Variants in NAALADL1 observed in about 807,000 individuals in gnomAD.
NAALADL1 encodes N-acetylated alpha-linked acidic dipeptidase like 1.
In NAALADL1, 77 loss-of-function variants were observed where a neutral mutation model predicts 82.8. The observed-to-expected ratio is 0.93, with a 90% CI of 0.77 to 1.12. The LOEUF (loss-of-function observed/expected upper bound fraction) is 1.12, where lower values mean the gene tolerates loss of function less well. Among genes scored for constraint, NAALADL1 ranks in the 50% most tolerant of loss-of-function variants. The probability of loss-of-function intolerance (pLI) is 0.00; values close to 1 mark genes in which losing one functional copy is unlikely to be tolerated. For missense variants in NAALADL1, 956 were observed against 964.0 expected, an observed-to-expected ratio of 0.99 and a Z score of 0.11; for synonymous variants, 358 against 399.2, an observed-to-expected ratio of 0.90 and a Z score of 1.23.
In NAALADL1 at chr11:65,053,435, G is replaced by A; in HGVS notation, c.1078+56C>T. On this transcript the variant is annotated intron_variant, in intron 7 of 17. Coordinates refer to ENST00000358658, the MANE Select transcript of NAALADL1 (RefSeq NM_005468.3). This position sits in a 1 kb window ranked among gnomAD's most constrained non-coding sequence, Gnocchi z 4.3. Reference sequence around the variant, plus strand: ...GCAAGGGCAGGGCTGGATGAGGACAGCGGCATCCAGAGCAGAGCAGGGGCC... The same window carrying A: ...GCAAGGGCAGGGCTGGATGAGGACAACGGCATCCAGAGCAGAGCAGGGGCC... The A allele has an allele frequency of 6.2e-7, 1 of 1,611,372 alleles. No homozygotes were observed. The highest frequency in any genetic ancestry group is 1.1e-5 in the South Asian group (1 of 91,048).
Position 65,054,405 on chromosome 11 carries a change from A to T in NAALADL1, c.887+50T>A, listed in dbSNP as rs1946977343. 6.2e-7 allele frequency: 1 copy of T among 1,612,290 alleles called. No individual in the cohort carries two copies. The highest frequency in any genetic ancestry group is 1.3e-5 in the African/African-American group (1 of 74,864). On this transcript the variant is annotated intron_variant, in intron 5 of 17. Transcript: ENST00000358658. This position sits in a 1 kb window ranked among gnomAD's most constrained non-coding sequence, Gnocchi z 4.3. The stretch of plus-strand genomic sequence containing the variant: ...GGGTAAATGTGAGTGTGGGGCTTGA[A>T]GTCTGGAGGCCACTGGGGCTGGGCA...
At chr11:65,056,580 G>T (rs547030188) in intron 4 of NAALADL1, among the ~76,000 whole-genome samples, 55 of 151,730 alleles carry the variant, frequency 3.6e-4, no homozygotes, top group Non-Finnish European at 4.4e-4. Context: ...TTGTTTTTTT[G>T]TATTTTAGTA....
In NAALADL1 at chr11:65,053,745, G is replaced by A. The variant is rs898384918; in HGVS notation, c.993-169C>T. Among the ~76,000 whole-genome samples, 3 of 152,194 alleles carry A rather than the reference G, an allele frequency of 2.0e-5. No homozygotes were observed. Among genetic ancestry groups the A allele is most frequent in the African/African-American group, 7.2e-5 (3 of 41,450 alleles). The stretch of plus-strand genomic sequence containing the variant: ...TGGAGCCAGGCTCTCCTGCCTACTC[G>A]CTGGGTAGGTACTTATTGGGTACTT... On this transcript the variant is annotated intron_variant, in intron 6 of 17. Transcript: ENST00000358658. This position sits in a 1 kb window ranked among gnomAD's most constrained non-coding sequence, Gnocchi z 4.3.
At chr11:65,050,729 G>A (rs1227814660) in intron 8 of NAALADL1, among the ~76,000 whole-genome samples, 1 of 152,070 alleles carries the variant, frequency 6.6e-6, no homozygotes, top group Non-Finnish European at 1.5e-5. Flanking sequence ...GGCAGAGGTT[G>A]CAGTGAGCCA....
At chr11:65,051,827 A>G (rs1946898407) in intron 8 of NAALADL1, among the ~76,000 whole-genome samples, 1 of 152,210 alleles carries the variant, frequency 6.6e-6, no homozygotes, top group Non-Finnish European at 1.5e-5. Context: ...GCACAACTTT[A>G]GAAATGTACT....
At chr11:65,045,793 C>A in intron 17 of NAALADL1, 29 bp downstream of exon 17, 1 of 1,602,360 alleles carries the variant, frequency 6.2e-7, no homozygotes, top group Non-Finnish European at 8.5e-7. Context: ...CACCTGGAGG[C>A]ACCTCCCAGG....
chr11:65,049,106 A>G (rs1946818692), intron 8 of NAALADL1, among the ~76,000 whole-genome samples: 1 of 152,092 alleles, frequency 6.6e-6, no homozygotes, highest in South Asian at 2.1e-4. Flanking sequence ...CCACACCCTC[A>G]ACTTCCTGGG....
In NAALADL1 at chr11:65,057,381, C is replaced by T. The variant is rs375401003; in HGVS notation, c.593G>A (p.Arg198His). ...GGGACTGCCACTCACCTTGGCCCCA[C>T]GCCCTACACCCCCATATCGAGTCAG... Reference protein sequence around the residue: ...IALTRYGGVGRGAKAVNAAKH... With the variant: ...IALTRYGGVGHGAKAVNAAKH... Residue 198 changes from arginine (R) to histidine (H), a missense_variant, in exon 4 of 18, where the codon CGT becomes CAT. Arg to His is a conservative substitution (Grantham distance 29). Transcript: ENST00000358658. 76 of 1,610,848 alleles carry T rather than the reference C, an allele frequency of 4.7e-5. No homozygotes were observed. The highest frequency in any genetic ancestry group is 3.3e-4 in the Middle Eastern group (2 of 6,070).
At position 65,054,291 on chromosome 11, in the gene NAALADL1, C is replaced by A. The variant is rs146550556; in HGVS notation, c.951G>T (p.Leu317Phe). 2 of 1,614,012 alleles carry A rather than the reference C, an allele frequency of 1.2e-6. No homozygotes were observed. Among genetic ancestry groups the A allele is most frequent in the Non-Finnish European group, 1.7e-6 (2 of 1,180,024 alleles). Residue 317 changes from leucine to phenylalanine, a missense_variant, in exon 6 of 18, where the codon TTG (leucine) becomes TTT (phenylalanine). Transcript: ENST00000358658. The surrounding 1 kb of genome is among the most constrained non-coding windows in gnomAD (Gnocchi z 4.3). ...WQGALGCHYR[L>F]GPGFRPDGDF... ...CTCCGTCAGGCCGGAAGCCGGGACC[C>A]AACCTGTAGTGGCAGCCCAGTGCTC...
rs538956328 is a variant in NAALADL1, at chr11:65,057,784, G to T, written c.480+91C>A. 503 of 1,570,758 alleles carry T rather than the reference G, an allele frequency of 3.2e-4. 1 individual carries two copies. The highest frequency in any genetic ancestry group is 4.2e-4 in the Non-Finnish European group (487 of 1,148,684). On this transcript the variant is annotated intron_variant, in intron 3 of 17. Coordinates refer to ENST00000358658, the MANE Select transcript of NAALADL1 (RefSeq NM_005468.3). ...ATTCCGGAGGGCGCGCTGTGCCCCA[G>T]TTGAGGCACGTTCCCTGGGTCAGGG...
chr11:65,053,240 G>T lies in NAALADL1; in HGVS notation c.1176C>A (p.Val392=). The change falls in exon 8 of 18, where the codon GTC becomes GTA. Residue 392 remains valine (V), a synonymous_variant. Coordinates refer to ENST00000358658, the MANE Select transcript of NAALADL1 (RefSeq NM_005468.3). The surrounding 1 kb of genome is among the most constrained non-coding windows in gnomAD (Gnocchi z 4.3). The stretch of plus-strand genomic sequence containing the variant: ...CACCCTTCTTCAGCAGGGTCCCCAG[G>T]ACACGGGAGAGCTCCAGGAGGACGG... ...GTAVLLELSR[V]LGTLLKKGTW... The T allele has an allele frequency of 6.4e-7, 1 of 1,551,656 alleles. No homozygotes were observed. The highest frequency in any genetic ancestry group is 2.0e-5 in the Admixed American group (1 of 50,870).
chr11:65,053,091 T>A lies in NAALADL1; in HGVS notation c.1198+127A>T. On this transcript the variant is annotated intron_variant, in intron 8 of 17. Transcript: ENST00000358658. This position sits in a 1 kb window ranked among gnomAD's most constrained non-coding sequence, Gnocchi z 4.3. ...CTGCTGCAGGCCAAGGCTGGTGTCATGCATGTCTGCCCCCAGGGCCCTCAG... is the reference window on the plus strand; with the variant it reads ...CTGCTGCAGGCCAAGGCTGGTGTCAAGCATGTCTGCCCCCAGGGCCCTCAG... The A allele has an allele frequency of 8.1e-7, 1 of 1,227,374 alleles. No homozygotes were observed. Among genetic ancestry groups the A allele is most frequent in the Non-Finnish European group, 1.1e-6 (1 of 901,458 alleles). The allele number at this position is 1,227,374 out of a possible 1,614,324, so 76.0% of individuals were successfully genotyped here.
intron 17 of NAALADL1, 107 bp from the exon 18 acceptor site, chr11:65,045,564 C>T: frequency 8.4e-7 from 1 of 1,197,244 alleles, no homozygotes; most frequent in Non-Finnish European, 1.1e-6. Flanking sequence ...GGCAGAAAAG[C>T]ACCCCCGTCC....
Position 65,053,127 on chromosome 11 carries a change from A to C in NAALADL1, c.1198+91T>G, listed in dbSNP as rs1946932913. 6 of 1,429,640 alleles carry C rather than the reference A, an allele frequency of 4.2e-6. No individual in the cohort carries two copies. In the East Asian group the frequency reaches 1.5e-4, roughly 36 times the overall value. 88.6% of individuals were successfully genotyped at this position (1,429,640 alleles called of 1,614,324 possible). A position where few individuals can be genotyped will look rare whatever the true frequency, so the allele number is the denominator to read the frequency against. On this transcript the variant is annotated intron_variant, in intron 8 of 17. Transcript: ENST00000358658. This position sits in a 1 kb window ranked among gnomAD's most constrained non-coding sequence, Gnocchi z 4.3. Reference sequence around the variant, plus strand: ...CCCCAGGGCCCTCAGGCATGGCACAAGGAGCACTGCAGTGTGAGGGAGAGG... The same window carrying C: ...CCCCAGGGCCCTCAGGCATGGCACACGGAGCACTGCAGTGTGAGGGAGAGG...
chr11:65,057,531 A>C, intron 3 of NAALADL1, 38 bp from the exon 4 acceptor site: 1 of 1,590,110 alleles, frequency 6.3e-7, no homozygotes, highest in Non-Finnish European at 8.6e-7. Flanking sequence ...AGCTGGGCCC[A>C]GCGAAGTGTG....
At chr11:65,052,472 C>G (rs746288320) in intron 8 of NAALADL1, among the ~76,000 whole-genome samples, 1 of 152,174 alleles carries the variant, frequency 6.6e-6, no homozygotes, top group Non-Finnish European at 1.5e-5. Flanking sequence ...CACCACCATG[C>G]CCTGCTAATT....
chr11:65,052,073 A>G (rs530779739), intron 8 of NAALADL1, among the ~76,000 whole-genome samples: 76 of 152,240 alleles, frequency 5.0e-4, no homozygotes, highest in African/African-American at 1.8e-3. Context: ...CCAGATTCAC[A>G]TCTTCCTTCT....
upstream of NAALADL1, among the ~76,000 whole-genome samples, chr11:65,059,052 AC>A (rs1484889493): frequency 6.6e-6 from 1 of 150,780 alleles, no homozygotes. Context: ...TTCCACTGAC[AC>A]CCAGGCTGGA....
chr11:65,060,585 CA>C (rs1381797651), upstream of NAALADL1, among the ~76,000 whole-genome samples: 1 of 152,068 alleles, frequency 6.6e-6, no homozygotes, highest in East Asian at 1.9e-4. Flanking sequence ...GACGCCTGGA[CA>C]AAAGTGTGTG....
Sources: allele counts gnomAD v4.1 joint callset (sites outside exome capture counted in the v4.1 genomes callset), GRCh38; gene constraint gnomAD v4.1.1; non-coding constraint Gnocchi (gnomAD v3.1); transcripts MANE v1.5; gene names NCBI Gene and HGNC (gene_info 2026-07-23, HGNC 2026-07-21).